GMCL1: variants seen among roughly 807,000 people sequenced by gnomAD.
GMCL1 encodes germ cell-less 1, spermatogenesis associated.
In GMCL1, 54 loss-of-function variants were observed where a neutral mutation model predicts 75.5. The ratio of observed to expected loss-of-function variants is 0.71; its 90% CI spans 0.57 to 0.90. The LOEUF is 0.90. GMCL1 is among the 40% of genes least tolerant of loss of function. The probability of loss-of-function intolerance (pLI) is 0.00; values close to 1 mark genes in which losing one functional copy is unlikely to be tolerated. For missense variants in GMCL1, 537 were observed against 622.7 expected (o/e 0.86, Z 1.47); for synonymous variants, 210 against 209.6 (o/e 1.00, Z -0.02).
intron 5 of GMCL1, among the ~76,000 whole-genome samples, 171 bp downstream of exon 5, chr2:69,843,432 A>G (rs1196475599): frequency 6.6e-6 from 1 of 152,196 alleles, no homozygotes; most frequent in Non-Finnish European, 1.5e-5. Flanking sequence ...TAATTAGTAA[A>G]TTCCTCAAAA....
At chr2:69,865,592 A>G (rs1159449535) in intron 11 of GMCL1, among the ~76,000 whole-genome samples, 1 of 152,000 alleles carries the variant, frequency 6.6e-6, no homozygotes, top group Non-Finnish European at 1.5e-5. Context: ...AGGTTGCAGT[A>G]AGCCGAGATC....
chr2:69,832,580 T>C (rs1674705637), intron 1 of GMCL1, among the ~76,000 whole-genome samples: 1 of 152,254 alleles, frequency 6.6e-6, no homozygotes, highest in South Asian at 2.1e-4. Context: ...TCAGCCACTT[T>C]CTTTTGATAA....
At position 69,847,504 on chromosome 2, in the gene GMCL1, C is replaced by A. The variant is rs766799918; in HGVS notation, c.759-39C>A. 1.6e-5 allele frequency: 20 copies of A among 1,229,524 alleles called. No homozygotes were observed. The South Asian group carries it at 2.2e-4, about 13-fold the overall frequency. 76.2% of individuals were successfully genotyped at this position (1,229,524 alleles called of 1,614,324 possible). A position where few individuals can be genotyped will look rare whatever the true frequency, so the allele number is the denominator to read the frequency against. On this transcript the variant is annotated intron_variant, in intron 6 of 13. Transcript: ENST00000282570. Reference sequence around the variant, plus strand: ...TTCTACCAGGATCCTTTAGCCTGTGCCTAAAGATAAGCTCACTCCCTCTAT... The same window carrying A: ...TTCTACCAGGATCCTTTAGCCTGTGACTAAAGATAAGCTCACTCCCTCTAT...
intron 8 of GMCL1, among the ~76,000 whole-genome samples, chr2:69,852,283 G>C (rs1675339361): frequency 6.6e-6 from 1 of 152,224 alleles, no homozygotes; most frequent in Admixed American, 6.5e-5. Flanking sequence ...GAAGCAAGCT[G>C]TGGTCCACTT....
At chr2:69,835,501 A>C (rs1674794808) in intron 1 of GMCL1, among the ~76,000 whole-genome samples, 1 of 151,740 alleles carries the variant, frequency 6.6e-6, no homozygotes, top group Non-Finnish European at 1.5e-5. Flanking sequence ...ACTTATATTT[A>C]AGAAGGAGTA....
At chr2:69,837,524 G>T (rs1364247464) in intron 1 of GMCL1, 23 bp from the exon 2 acceptor site, 2 of 1,444,752 alleles carry the variant, frequency 1.4e-6, no homozygotes, top group East Asian at 4.9e-5. Flanking sequence ...ATAAATATGT[G>T]ACTTTTTCAT....
intron 13 of GMCL1, 98 bp downstream of exon 13, chr2:69,871,930 T>G: frequency 2.6e-6 from 2 of 780,244 alleles, no homozygotes; most frequent in Non-Finnish European, 2.1e-6. Flanking sequence ...GTGATGGCAT[T>G]TTGACCTAAA....
Position 69,841,022 on chromosome 2 carries a change from G to A in GMCL1, c.562G>A (p.Ala188Thr), listed in dbSNP as rs1458681859. The A allele has an allele frequency of 6.2e-7, 1 of 1,613,224 alleles. No individual in the cohort carries two copies. Among genetic ancestry groups the A allele is most frequent in the South Asian group, 1.1e-5 (1 of 91,054 alleles). ...TCGAGTTGTTGCCATTTTGGCAGCA[G>A]CTTGTTTGCTGCAGTTGGTAAGTAT... ...PSRVVAILAAACLLQLDGLIQ... is the reference protein window; with the variant it reads ...PSRVVAILAATCLLQLDGLIQ... Residue 188 changes from alanine to threonine, a missense_variant, in exon 4 of 14, where the codon GCT becomes ACT. Physicochemically the swap from Ala to Thr is moderately conservative, Grantham distance 58. This residue lies in a region of GMCL1 where 345 missense variants were observed against 410.5 expected (regional missense o/e 0.84). Transcript: ENST00000282570.
intron 11 of GMCL1, among the ~76,000 whole-genome samples, chr2:69,866,429 CTTTA>C (rs935564175): frequency 7.2e-5 from 11 of 152,054 alleles, no homozygotes; most frequent in East Asian, 5.8e-4. Flanking sequence ...CTCATTTTGA[CTTTA>C]TTTATTTTTA....
Position 69,871,764 on chromosome 2 carries a change from G to T in GMCL1, c.1384G>T (p.Asp462Tyr). The T allele has an allele frequency of 6.4e-7, 1 of 1,560,104 alleles. No individual in the cohort carries two copies. Among genetic ancestry groups the T allele is most frequent in the Non-Finnish European group, 8.7e-7 (1 of 1,145,648 alleles). Residue 462 changes from aspartate (D) to tyrosine (Y), a missense_variant, in exon 13 of 14, where the codon GAT becomes TAT. Coordinates refer to ENST00000282570, the MANE Select transcript of GMCL1 (RefSeq NM_178439.5). ...TCCTAGATTACGTTTGGCTTCTTTT[G>T]ATAGTAGTGGAAAACTAATATGTAG... ...IAFRLRLASFDSSGKLICSRT... is the reference protein window; with the variant it reads ...IAFRLRLASFYSSGKLICSRT...
chr2:69,874,973 A>G (rs1468467052), intron 13 of GMCL1, among the ~76,000 whole-genome samples: 1 of 151,064 alleles, frequency 6.6e-6, no homozygotes, highest in Non-Finnish European at 1.5e-5. Context: ...TGGAATTCCT[A>G]GGCTCAAGTG....
chr2:69,850,835 A>G (rs1294126784), intron 8 of GMCL1, among the ~76,000 whole-genome samples: 2 of 152,202 alleles, frequency 1.3e-5, no homozygotes, highest in East Asian at 1.9e-4. Flanking sequence ...CACAGCTCCT[A>G]TGAGCTAGCA....
intron 3 of GMCL1, among the ~76,000 whole-genome samples, chr2:69,840,388 C>T (rs1466317699): frequency 6.7e-6 from 1 of 150,100 alleles, no homozygotes; most frequent in Admixed American, 6.7e-5. Context: ...CCAGCCTGGG[C>T]GACAGAGCGA....
intron 8 of GMCL1, among the ~76,000 whole-genome samples, chr2:69,850,816 G>A (rs1675296562): frequency 6.6e-6 from 1 of 152,166 alleles, no homozygotes; most frequent in Non-Finnish European, 1.5e-5. Flanking sequence ...GAATGAGAAA[G>A]GAGATGCACA....
chr2:69,845,332 A>G (rs17037145), intron 6 of GMCL1, among the ~76,000 whole-genome samples: 11,944 of 152,268 alleles, frequency 0.078, 1,590 homozygotes, highest in African/African-American at 0.27. Flanking sequence ...CTGGAATAAT[A>G]GGACCGCAGT....
intron 1 of GMCL1, among the ~76,000 whole-genome samples, chr2:69,834,009 A>T (rs1204112109): frequency 6.6e-6 from 1 of 152,094 alleles, no homozygotes; most frequent in Non-Finnish European, 1.5e-5. Context: ...AAAGGGAGAA[A>T]TTTTTCTAAC....
intron 1 of GMCL1, among the ~76,000 whole-genome samples, chr2:69,832,088 G>T (rs1256310660): frequency 2.0e-5 from 3 of 152,098 alleles, no homozygotes; most frequent in Non-Finnish European, 2.9e-5. Context: ...AGTCGTGGTG[G>T]CAGCTGCCTG....
chr2:69,865,747 T>C (rs149411205), intron 11 of GMCL1, among the ~76,000 whole-genome samples: 22 of 152,260 alleles, frequency 1.4e-4, no homozygotes, highest in African/African-American at 5.3e-4. Flanking sequence ...ATCCAGAAAT[T>C]ATTTTTTCTA....
chr2:69,832,970 C>G (rs960247430), intron 1 of GMCL1, among the ~76,000 whole-genome samples: 5 of 152,196 alleles, frequency 3.3e-5, no homozygotes, highest in Non-Finnish European at 7.3e-5. Context: ...TAGGTGCCCC[C>G]ACCCCTTTCC....
Sources: gnomAD v4.1 joint callset for allele counts (sites outside exome capture counted in the v4.1 genomes callset) on GRCh38, gnomAD v4.1.1 for gene constraint, gnomAD v4.1.1 regional missense constraint, MANE v1.5 for transcripts, NCBI Gene and HGNC (gene_info 2026-07-23, HGNC 2026-07-21) for gene names.